TEAD1: variants seen among roughly 807,000 people sequenced by gnomAD.
TEAD1 encodes transcriptional enhancer factor TEF-1.
Under a neutral mutation model 54.9 loss-of-function variants are expected in TEAD1, and 9 were observed. That is an observed-to-expected ratio of 0.16 (90% CI 0.10 to 0.29). The LOEUF (loss-of-function observed/expected upper bound fraction) is 0.29, where lower values mean the gene tolerates loss of function less well. Among genes scored for constraint, TEAD1 ranks in the 10% least tolerant of loss-of-function variants. The pLI, the probability that TEAD1 is intolerant of heterozygous loss-of-function variation, is 1.00. For missense variants in TEAD1, 387 were observed against 535.9 expected (o/e 0.72, Z 2.74); for synonymous variants, 200 against 187.8 (o/e 1.07, Z -0.53).
At chr11:12,760,519 G>A (rs188569038) in intron 2 of TEAD1, among the ~76,000 whole-genome samples, 5 of 152,198 alleles carry the variant, frequency 3.3e-5, no homozygotes, top group Non-Finnish European at 7.4e-5. Flanking sequence ...TTTATTTACT[G>A]AATTTAGTGA....
intron 3 of TEAD1, among the ~76,000 whole-genome samples, chr11:12,845,800 C>T (rs1564961521): frequency 6.6e-6 from 1 of 152,232 alleles, no homozygotes; most frequent in Non-Finnish European, 1.5e-5. Flanking sequence ...GAATCTTTCC[C>T]AGTACTCCCA....
rs191387504 is a variant in TEAD1 at position 12,932,083 on chromosome 11, G to T, written c.1167+1757G>T. Among the ~76,000 whole-genome samples the T allele has an allele frequency of 5.3e-5, 8 of 152,332 alleles. No homozygotes were observed. In the East Asian group the frequency reaches 1.5e-3, roughly 29 times the overall value. On this transcript the variant is annotated intron_variant, in intron 12 of 12. Coordinates refer to ENST00000527636, the MANE Select transcript of TEAD1 (RefSeq NM_021961.6). The stretch of plus-strand genomic sequence containing the variant: ...TGCATATAATTTTCGTTTGTTCCAA[G>T]AAGAGAATCTTAATGGGTTCTCAGA...
intron 2 of TEAD1, among the ~76,000 whole-genome samples, chr11:12,678,062 A>G (rs1943135018): frequency 6.6e-6 from 1 of 152,218 alleles, no homozygotes. Flanking sequence ...TGTACCCAGT[A>G]GAGAGATTGT....
At chr11:12,701,779 G>A (rs1228217459) in intron 2 of TEAD1, among the ~76,000 whole-genome samples, 1 of 152,138 alleles carries the variant, frequency 6.6e-6, no homozygotes, top group African/African-American at 2.4e-5. Flanking sequence ...ACTTAGAGCT[G>A]GGAGTCCTGA....
At chr11:12,801,316 G>T (rs893826564) in intron 3 of TEAD1, among the ~76,000 whole-genome samples, 7 of 152,200 alleles carry the variant, frequency 4.6e-5, no homozygotes, top group African/African-American at 7.2e-5. Context: ...CTAGGTTGGG[G>T]TGGACGGGGC....
chr11:12,783,098 T>TTG (rs34564715), intron 3 of TEAD1, among the ~76,000 whole-genome samples: 36,184 of 139,148 alleles, frequency 0.26, 4,594 homozygotes, highest in Non-Finnish European at 0.31. Context: ...AGGTAAGGGT[T>TTG]TGTGTGTGTG....
chr11:12,710,854 T>C (rs906006944), intron 2 of TEAD1, among the ~76,000 whole-genome samples: 1 of 151,850 alleles, frequency 6.6e-6, no homozygotes, highest in African/African-American at 2.4e-5. Flanking sequence ...AATGATGGTA[T>C]GTAGAGGAGG....
chr11:12,737,682 AC>A (rs2133887976), intron 2 of TEAD1, among the ~76,000 whole-genome samples: 1 of 152,226 alleles, frequency 6.6e-6, no homozygotes, highest in South Asian at 2.1e-4. Context: ...TGTCACTCTT[AC>A]CATTTGCTTG....
intron 3 of TEAD1, among the ~76,000 whole-genome samples, chr11:12,767,587 G>GA (rs1333117631): frequency 2.6e-5 from 4 of 152,110 alleles, no homozygotes; most frequent in Non-Finnish European, 5.9e-5. Flanking sequence ...TTATAAAGGA[G>GA]AAAAAAGGAC....
At chr11:12,712,093 C>G (rs1943949900) in intron 2 of TEAD1, among the ~76,000 whole-genome samples, 1 of 152,148 alleles carries the variant, frequency 6.6e-6, no homozygotes, top group Non-Finnish European at 1.5e-5. Context: ...GGGACATTCT[C>G]CATAACAGTC....
chr11:12,846,056 A>T (rs915903299), intron 3 of TEAD1, among the ~76,000 whole-genome samples: 1 of 152,250 alleles, frequency 6.6e-6, no homozygotes, highest in African/African-American at 2.4e-5. Flanking sequence ...TTATGTGTAC[A>T]CAGTGTGTGA....
intron 10 of TEAD1, among the ~76,000 whole-genome samples, chr11:12,923,782 G>C (rs920407861): frequency 6.6e-6 from 1 of 152,180 alleles, no homozygotes; most frequent in Non-Finnish European, 1.5e-5. Flanking sequence ...ACTTATAGCA[G>C]CGTTAACCCA....
At chr11:12,712,706 A>G (rs193015522) in intron 2 of TEAD1, among the ~76,000 whole-genome samples, 33 of 152,308 alleles carry the variant, frequency 2.2e-4, no homozygotes, top group African/African-American at 7.7e-4. Flanking sequence ...TCACGTGAGA[A>G]TAATAGGGAG....
At chr11:12,733,107 A>T (rs559523154) in intron 2 of TEAD1, among the ~76,000 whole-genome samples, 17 of 152,284 alleles carry the variant, frequency 1.1e-4, no homozygotes, top group Middle Eastern at 3.4e-3. Context: ...AGCCCTTTGG[A>T]GTCTCAGATC....
intron 6 of TEAD1, 119 bp from the exon 7 acceptor site, chr11:12,880,886 G>A (rs1947952233): frequency 8.7e-7 from 1 of 1,154,526 alleles, no homozygotes; most frequent in Admixed American, 1.7e-5. Context: ...CTCTGGGAAA[G>A]CGATTCTGTT....
chr11:12,911,352 A>G (rs6486069), intron 10 of TEAD1, among the ~76,000 whole-genome samples: 42,265 of 151,998 alleles, frequency 0.28, 7,701 homozygotes, highest in East Asian at 0.63. Context: ...ATTCTGCATG[A>G]TTTAGATTGG....
At chr11:12,772,825 G>A (rs1268473259) in intron 3 of TEAD1, among the ~76,000 whole-genome samples, 3 of 152,110 alleles carry the variant, frequency 2.0e-5, no homozygotes, top group South Asian at 2.1e-4. Flanking sequence ...ACTCGTTTGT[G>A]TGTGCGTACT....
In TEAD1 at chr11:12,855,179, A is replaced by G. The variant is rs535240198; in HGVS notation, c.203-7071A>G. On this transcript the variant is annotated intron_variant, in intron 3 of 12. Transcript: ENST00000527636. Reference sequence around the variant, plus strand: ...ATGGATGGGGAGATAAAACACCCCCATTCTGTAGACCTCTCCCAAGACAGT... The same window carrying G: ...ATGGATGGGGAGATAAAACACCCCCGTTCTGTAGACCTCTCCCAAGACAGT... Among the ~76,000 whole-genome samples, 3 of 152,308 alleles carry G rather than the reference A, an allele frequency of 2.0e-5. No homozygotes were observed. The South Asian group carries it at 6.2e-4, about 32-fold the overall frequency.
intron 10 of TEAD1, among the ~76,000 whole-genome samples, chr11:12,907,928 A>C (rs1450919008): frequency 6.6e-6 from 1 of 152,202 alleles, no homozygotes; most frequent in African/African-American, 2.4e-5. Flanking sequence ...ATGGAAGCTA[A>C]TGGTGATTGC....
Sources: allele counts gnomAD v4.1 joint callset (sites outside exome capture counted in the v4.1 genomes callset), GRCh38; gene constraint gnomAD v4.1.1; transcripts MANE v1.5; gene names NCBI Gene and HGNC (gene_info 2026-07-23, HGNC 2026-07-21).